MFSD6: variants seen among roughly 807,000 people sequenced by gnomAD.
The protein encoded by MFSD6 is major facilitator superfamily domain containing 6.
Under a neutral mutation model 56.3 loss-of-function variants are expected in MFSD6, and 26 were observed. That is an observed-to-expected ratio of 0.46 (90% CI 0.34 to 0.64). The LOEUF is 0.64. Ranked by LOEUF, MFSD6 falls within the 30% of genes least tolerant of loss-of-function variation. The pLI, the probability that MFSD6 is intolerant of heterozygous loss-of-function variation, is 0.01. For missense variants in MFSD6, 750 were observed against 986.2 expected (o/e 0.76, Z 3.21); for synonymous variants, 331 against 366.9 (o/e 0.90, Z 1.12).
chr2:190,444,704 A>G (rs142095868), intron 3 of MFSD6: 1 of 156,284 alleles, frequency 6.4e-6, no homozygotes, highest in Non-Finnish European at 1.4e-5. Flanking sequence ...TTGGATAATC[A>G]GTCCAACATT....
rs1439170400 is a variant in MFSD6, at chr2:190,469,282, G to A, written c.1533-476G>A. On this transcript the variant is annotated intron_variant, in intron 3 of 7. Coordinates refer to ENST00000392328, the MANE Select transcript of MFSD6 (RefSeq NM_017694.4). This position sits in a 1 kb window ranked among gnomAD's most constrained non-coding sequence, Gnocchi z 5.3. ...CTTGTGAAACTGCTTGGTATCTTGG[G>A]TATTATGAGCAAGGCCACATTCGTG... Among the ~76,000 whole-genome samples, 1 of 152,030 alleles carries A rather than the reference G, an allele frequency of 6.6e-6. No individual in the cohort carries two copies. The highest frequency in any genetic ancestry group is 1.5e-5 in the Non-Finnish European group (1 of 68,020).
rs59610852 is a variant in MFSD6 at position 190,425,228 on chromosome 2, T to C, written c.-54+9815T>C. On this transcript the variant is annotated intron_variant, in intron 2 of 7. Coordinates refer to ENST00000392328, the MANE Select transcript of MFSD6 (RefSeq NM_017694.4). This position sits in a 1 kb window ranked among gnomAD's most constrained non-coding sequence, Gnocchi z 4.3. Reference sequence around the variant, plus strand: ...ACTTGCTGAACTCACTTATTAGTTCTAGAAGTTTATTTATAGGTTTCTTGG... The same window carrying C: ...ACTTGCTGAACTCACTTATTAGTTCCAGAAGTTTATTTATAGGTTTCTTGG... 1.3e-5 allele frequency among the ~76,000 whole-genome samples: 2 copies of C among 152,358 alleles called. No individual in the cohort carries two copies. The highest frequency in any genetic ancestry group is 3.9e-4 in the East Asian group (2 of 5,194).
chr2:190,476,316 A>G (rs1437033438), intron 4 of MFSD6, among the ~76,000 whole-genome samples: 2 of 151,794 alleles, frequency 1.3e-5, no homozygotes, highest in African/African-American at 4.8e-5. Flanking sequence ...CATCTGACAA[A>G]GGGCTAATAT....
At position 190,501,564 on chromosome 2, in the gene MFSD6, GGA is replaced by G. The variant is rs1690025868; in HGVS notation, c.*1354_*1355del. 1 of 152,182 alleles carries G rather than the reference GGA, an allele frequency of 6.6e-6. No individual in the cohort carries two copies. The allele number at this position is 152,182 out of a possible 1,614,324, so 9.4% of individuals were successfully genotyped here. A position where few individuals can be genotyped will look rare whatever the true frequency, so the allele number is the denominator to read the frequency against. On this transcript the variant is annotated 3_prime_UTR_variant, in exon 8 of 8. Coordinates refer to ENST00000392328, the MANE Select transcript of MFSD6 (RefSeq NM_017694.4). ...TTTATAATAGCTGTGGATGAGCACA[GGA>G]GAGAGAGGAAAGAAAAGAACAGTCG... is the stretch of plus-strand genomic sequence containing the variant.
At chr2:190,475,612 A>G (rs1246045547) in intron 4 of MFSD6, among the ~76,000 whole-genome samples, 1 of 152,248 alleles carries the variant, frequency 6.6e-6, no homozygotes, top group Non-Finnish European at 1.5e-5. Flanking sequence ...GGAAGAATCA[A>G]TATCGTGAAA....
intron 3 of MFSD6, among the ~76,000 whole-genome samples, chr2:190,449,625 A>G (rs1367031190): frequency 2.6e-5 from 4 of 152,008 alleles, no homozygotes; most frequent in Non-Finnish European, 5.9e-5. Context: ...CAAATGTCCA[A>G]CAATGATAGA....
chr2:190,440,319 A>C (rs1686326608), intron 3 of MFSD6, among the ~76,000 whole-genome samples: 1 of 152,230 alleles, frequency 6.6e-6, no homozygotes, highest in South Asian at 2.1e-4. Context: ...AAACACACAC[A>C]CATAGAGTAT....
chr2:190,435,812 A>G (rs567501691), intron 2 of MFSD6, 165 bp from the exon 3 acceptor site: 82 of 579,564 alleles, frequency 1.4e-4, no homozygotes, highest in African/African-American at 1.2e-3. Context: ...TTTAAAAGCT[A>G]TTTTTCCTTA....
intron 3 of MFSD6, among the ~76,000 whole-genome samples, chr2:190,468,913 A>C (rs1687754118): frequency 6.6e-6 from 1 of 152,316 alleles, no homozygotes; most frequent in South Asian, 2.1e-4. Flanking sequence ...CAAGGGAGAA[A>C]GATAAATCCC....
At chr2:190,409,278 T>C (rs1278689565) in intron 1 of MFSD6, among the ~76,000 whole-genome samples, 28 of 151,990 alleles carry the variant, frequency 1.8e-4, no homozygotes, top group Admixed American at 1.6e-3. Context: ...AACGCAACTT[T>C]CCCCCTCGTT....
Position 190,438,767 on chromosome 2 carries a change from AGAG to A in MFSD6, c.1532+1210_1532+1212del, listed in dbSNP as rs1482903173. Among the ~76,000 whole-genome samples, 1 of 152,260 alleles carries A rather than the reference AGAG, an allele frequency of 6.6e-6. No homozygotes were observed. Among genetic ancestry groups the A allele is most frequent in the Non-Finnish European group, 1.5e-5 (1 of 68,040 alleles). ...ATCTGCTATTTCTATAAGAAATTAAAGAGGAGAAATAGACAATGACAAGATTTG... is the reference window on the plus strand; with the variant it reads ...ATCTGCTATTTCTATAAGAAATTAAAGAGAAATAGACAATGACAAGATTTG... On this transcript the variant is annotated intron_variant, in intron 3 of 7. Transcript: ENST00000392328. The surrounding 1 kb of genome is among the most constrained non-coding windows in gnomAD (Gnocchi z 5.2).
chr2:190,414,055 A>G (rs1367288813), intron 1 of MFSD6, among the ~76,000 whole-genome samples: 3 of 152,182 alleles, frequency 2.0e-5, no homozygotes, highest in Non-Finnish European at 4.4e-5. Context: ...GCAGAATCAT[A>G]CAAAGTGACA....
At chr2:190,472,091 C>T (rs1039705393) in intron 4 of MFSD6, among the ~76,000 whole-genome samples, 1 of 152,102 alleles carries the variant, frequency 6.6e-6, no homozygotes, top group Non-Finnish European at 1.5e-5. Context: ...CCCATCTGTA[C>T]GTCACCATCA....
At chr2:190,427,756 A>T (rs1685828095) in intron 2 of MFSD6, among the ~76,000 whole-genome samples, 1 of 150,424 alleles carries the variant, frequency 6.6e-6, no homozygotes, top group Non-Finnish European at 1.5e-5. Context: ...TTTGAGACAG[A>T]GTTTCACTCT....
At chr2:190,474,805 C>G (rs1302681032) in intron 4 of MFSD6, among the ~76,000 whole-genome samples, 1 of 152,114 alleles carries the variant, frequency 6.6e-6, no homozygotes, top group Non-Finnish European at 1.5e-5. Context: ...AAGATAGATG[C>G]AAAAATCCTC....
chr2:190,497,872 C>G lies in MFSD6; in HGVS notation c.2172+153C>G. ...AAACAATTTCAGTACTCTGTGAGCA[C>G]TGAGTTAAAGAGGGTGTATACAAGG... On this transcript the variant is annotated intron_variant, in intron 7 of 7. Coordinates refer to ENST00000392328, the MANE Select transcript of MFSD6 (RefSeq NM_017694.4). The surrounding 1 kb of genome is among the most constrained non-coding windows in gnomAD (Gnocchi z 5.2). The G allele has an allele frequency of 1.1e-6, 1 of 893,048 alleles. No individual in the cohort carries two copies. The highest frequency in any genetic ancestry group is 1.7e-6 in the Non-Finnish European group (1 of 598,890). 55.3% of individuals were successfully genotyped at this position (893,048 alleles called of 1,614,324 possible). A position where few individuals can be genotyped will look rare whatever the true frequency, so the allele number is the denominator to read the frequency against.
Position 190,469,654 on chromosome 2 carries a change from GT to G in MFSD6, c.1533-103del. 1 of 576,828 alleles carries G rather than the reference GT, an allele frequency of 1.7e-6. No homozygotes were observed. Among genetic ancestry groups the G allele is most frequent in the Non-Finnish European group, 2.6e-6 (1 of 391,604 alleles). The allele number at this position is 576,828 out of a possible 1,614,324, so 35.7% of individuals were successfully genotyped here. A position where few individuals can be genotyped will look rare whatever the true frequency, so the allele number is the denominator to read the frequency against. On this transcript the variant is annotated intron_variant, in intron 3 of 7. Transcript: ENST00000392328. The surrounding 1 kb of genome is among the most constrained non-coding windows in gnomAD (Gnocchi z 5.3). ...GGTGGTTTGGGGAAGGAAAAGGTAG[GT>G]AATATTTGCATGTTTTGTACACATA... is the stretch of plus-strand genomic sequence containing the variant.
Position 190,497,585 on chromosome 2 carries a change from C to G in MFSD6, c.2038C>G (p.Gln680Glu). 1.9e-6 allele frequency: 3 copies of G among 1,614,148 alleles called. No homozygotes were observed. The highest frequency in any genetic ancestry group is 2.5e-6 in the Non-Finnish European group (3 of 1,180,030). The change falls in exon 7 of 8, where the codon CAG becomes GAG. Residue 680 changes from glutamine (Q) to glutamate (E), a missense_variant. By Grantham distance (29) the Gln-to-Glu change is conservative (BLOSUM62 2). This residue lies in a region of MFSD6 where 172 missense variants were observed against 203.9 expected (regional missense o/e 0.84). Transcript: ENST00000392328. This position sits in a 1 kb window ranked among gnomAD's most constrained non-coding sequence, Gnocchi z 5.2. ...CAAGAAAACTAAGCACCAGGAAGAA[C>G]AGGAAGATGTGAACAAACCAGCCTG... ...PPKKTKHQEE[Q>E]EDVNKPAWGV...
At position 190,457,174 on chromosome 2, in the gene MFSD6, A is replaced by G. The variant is rs989876417; in HGVS notation, c.1533-12584A>G. 4.6e-5 allele frequency among the ~76,000 whole-genome samples: 7 copies of G among 152,082 alleles called. No homozygotes were observed. The highest frequency in any genetic ancestry group is 8.8e-5 in the Non-Finnish European group (6 of 67,998). On this transcript the variant is annotated intron_variant, in intron 3 of 7. Transcript: ENST00000392328. The surrounding 1 kb of genome is among the most constrained non-coding windows in gnomAD (Gnocchi z 5.1). ...GGAGTGTGGAAAATAGCACATTGCT[A>G]TTACCTACTGAAAGAGCATGGTCTG...
Sources: gnomAD v4.1 joint callset for allele counts (sites outside exome capture counted in the v4.1 genomes callset) on GRCh38, gnomAD v4.1.1 for gene constraint, gnomAD v4.1.1 regional missense constraint, Gnocchi (gnomAD v3.1) non-coding constraint, MANE v1.5 for transcripts, NCBI Gene and HGNC (gene_info 2026-07-23, HGNC 2026-07-21) for gene names.